CDH18: variants seen among roughly 807,000 people sequenced by gnomAD.
CDH18 encodes cadherin 18.
A neutral mutation model predicts 67.9 loss-of-function variants in CDH18; 31 were observed. The ratio of observed to expected loss-of-function variants is 0.46; its 90% CI spans 0.34 to 0.62. The LOEUF is 0.62. CDH18 is among the 20% of genes least tolerant of loss of function. The pLI, the probability that CDH18 is intolerant of heterozygous loss-of-function variation, is 0.01. For missense variants in CDH18, 890 were observed against 975.5 expected (o/e 0.91, Z 1.17); for synonymous variants, 362 against 347.2 (o/e 1.04, Z -0.48).
At chr5:20,297,542 T>A (rs1747638064) in intron 1 of CDH18, among the ~76,000 whole-genome samples, 1 of 152,136 alleles carries the variant, frequency 6.6e-6, no homozygotes, top group African/African-American at 2.4e-5. Context: ...GTCCAAAATA[T>A]GAAAAAAGGC....
At chr5:19,675,300 G>A (rs1414516588) in intron 5 of CDH18, among the ~76,000 whole-genome samples, 1 of 152,032 alleles carries the variant, frequency 6.6e-6, no homozygotes, top group Admixed American at 6.6e-5. Context: ...AGGAGACTGG[G>A]TTTGAGAGCA....
Position 19,539,083 on chromosome 5 carries a change from C to T in CDH18, c.1390+4786G>A, listed in dbSNP as rs74846086. Among the ~76,000 whole-genome samples, 1,516 of 152,248 alleles carry T rather than the reference C, an allele frequency of 1.0e-2. 24 individuals are homozygous for T. Among genetic ancestry groups the T allele is most frequent in the African/African-American group, 0.034 (1,427 of 41,538 alleles). ...TTAACAGGCAATTAAGCCACGGAAT[C>T]GGTGCATGCATTTCATTTCTAAATA... On this transcript the variant is annotated intron_variant, in intron 9 of 12. Transcript: ENST00000382275.
At chr5:19,960,818 C>T (rs777569807) in intron 2 of CDH18, among the ~76,000 whole-genome samples, 3 of 148,682 alleles carry the variant, frequency 2.0e-5, no homozygotes, top group East Asian at 2.0e-4. Context: ...CACACACACA[C>T]GCACACAAAT....
At chr5:19,831,367 A>G (rs904662466) in intron 3 of CDH18, among the ~76,000 whole-genome samples, 26 of 152,046 alleles carry the variant, frequency 1.7e-4, no homozygotes, top group Admixed American at 1.4e-3. Flanking sequence ...TGCAAACTGC[A>G]TCCTACAAAG....
At chr5:20,244,366 T>C (rs186725312) in intron 2 of CDH18, among the ~76,000 whole-genome samples, 1 of 152,244 alleles carries the variant, frequency 6.6e-6, no homozygotes, top group African/African-American at 2.4e-5. Flanking sequence ...GGGAGATTAT[T>C]AGACTTATCA....
At chr5:20,203,647 T>TA (rs202008328) in intron 2 of CDH18, among the ~76,000 whole-genome samples, 4,241 of 127,376 alleles carry the variant, frequency 0.033, 110 homozygotes, top group African/African-American at 0.077. Context: ...ATGTATACAA[T>TA]AAAAAAAAAA....
chr5:19,938,149 C>A (rs1794472297), intron 2 of CDH18, among the ~76,000 whole-genome samples: 1 of 150,270 alleles, frequency 6.7e-6, no homozygotes, highest in Non-Finnish European at 1.5e-5. Context: ...TACTGTGAAG[C>A]AGTGGAGTCA....
chr5:19,870,284 G>C (rs1202107774), intron 2 of CDH18, among the ~76,000 whole-genome samples: 3 of 152,090 alleles, frequency 2.0e-5, no homozygotes, highest in Non-Finnish European at 4.4e-5. Context: ...GATTCTCACT[G>C]TCTAAATACA....
intron 2 of CDH18, among the ~76,000 whole-genome samples, chr5:19,919,484 C>T (rs1423608734): frequency 6.6e-6 from 1 of 152,142 alleles, no homozygotes; most frequent in Admixed American, 6.5e-5. Context: ...GGGATCTGTG[C>T]TAACGTCGGG....
chr5:20,408,321 A>C (rs1746475395), intron 1 of CDH18, among the ~76,000 whole-genome samples: 1 of 152,140 alleles, frequency 6.6e-6, no homozygotes, highest in Admixed American at 6.6e-5. Flanking sequence ...CCTACCAAGT[A>C]TAAAACTCAT....
chr5:19,762,413 C>A (rs906534751), intron 3 of CDH18, among the ~76,000 whole-genome samples: 5 of 152,028 alleles, frequency 3.3e-5, no homozygotes, highest in African/African-American at 1.2e-4. Flanking sequence ...ATCAAACAAC[C>A]CCATCAAAAA....
At chr5:20,107,087 T>TC (rs1179357144) in intron 2 of CDH18, among the ~76,000 whole-genome samples, 3 of 151,088 alleles carry the variant, frequency 2.0e-5, no homozygotes, top group African/African-American at 4.8e-5. Context: ...TAACTTTCTT[T>TC]TTTTTTTTTT....
intron 5 of CDH18, among the ~76,000 whole-genome samples, chr5:19,639,332 G>A (rs781656861): frequency 6.6e-6 from 1 of 152,136 alleles, no homozygotes; most frequent in Non-Finnish European, 1.5e-5. Flanking sequence ...TAGTAAGGAA[G>A]TGCGAAGATG....
chr5:20,225,231 T>C (rs1741522285), intron 2 of CDH18, among the ~76,000 whole-genome samples: 1 of 152,152 alleles, frequency 6.6e-6, no homozygotes, highest in African/African-American at 2.4e-5. Context: ...CATCACCTCC[T>C]GTGACATATT....
intron 1 of CDH18, among the ~76,000 whole-genome samples, chr5:20,467,769 C>T (rs991147618): frequency 6.6e-6 from 1 of 152,096 alleles, no homozygotes; most frequent in South Asian, 2.1e-4. Context: ...TAATTTCTGG[C>T]TCAAATAACT....
chr5:20,029,521 T>G (rs1186335735), intron 2 of CDH18, among the ~76,000 whole-genome samples: 1 of 152,176 alleles, frequency 6.6e-6, no homozygotes, highest in Non-Finnish European at 1.5e-5. Flanking sequence ...ACTTGCAAGG[T>G]TTACAGCAAA....
At chr5:19,612,330 C>T (rs1749114204) in intron 6 of CDH18, 104 bp downstream of exon 6, 2 of 1,136,618 alleles carry the variant, frequency 1.8e-6, no homozygotes, top group Non-Finnish European at 2.5e-6. Context: ...AAAAACAGAA[C>T]AATTCCACTT....
chr5:19,864,538 A>AAAAAAC (rs70954616), intron 2 of CDH18, among the ~76,000 whole-genome samples: 74,634 of 151,488 alleles, frequency 0.49, 18,471 homozygotes, highest in Middle Eastern at 0.63. Flanking sequence ...TAATAATTTA[A>AAAAAAC]AAAAACAACA....
At chr5:20,276,998 G>T (rs1000461661) in intron 1 of CDH18, among the ~76,000 whole-genome samples, 3 of 152,138 alleles carry the variant, frequency 2.0e-5, no homozygotes, top group Admixed American at 6.5e-5. Context: ...CTCAGCTGCA[G>T]TAGAATAGAG....
Sources: allele counts gnomAD v4.1 joint callset (sites outside exome capture counted in the v4.1 genomes callset), GRCh38; gene constraint gnomAD v4.1.1; transcripts MANE v1.5; gene names NCBI Gene and HGNC (gene_info 2026-07-23, HGNC 2026-07-21).